The following ZNF33A variants were observed in gnomAD, a reference collection of about 807,000 sequenced individuals.
The protein encoded by ZNF33A is zinc finger protein 33A, also known as brain my041 protein.
ZNF33A carries 9 observed loss-of-function variants against 15.9 expected under a neutral mutation model. The observed-to-expected ratio is 0.57, with a 90% CI of 0.34 to 0.99. ZNF33A has a LOEUF of 0.99. ZNF33A is among the 50% of genes least tolerant of loss of function. The pLI is 0.02. For missense variants in ZNF33A, 843 were observed against 941.6 expected, an observed-to-expected ratio of 0.90 and a Z score of 1.37; for synonymous variants, 294 against 324.2, an observed-to-expected ratio of 0.91 and a Z score of 1.00.
chr10:38,046,884 A>G (rs557972265), intron 4 of ZNF33A, among the ~76,000 whole-genome samples: 38 of 152,310 alleles, frequency 2.5e-4, no homozygotes, highest in African/African-American at 7.0e-4. Flanking sequence ...GACATGAGAA[A>G]TACATGGCCA....
chr10:38,049,197 A>G (rs1304669560), intron 4 of ZNF33A, among the ~76,000 whole-genome samples: 2 of 152,170 alleles, frequency 1.3e-5, no homozygotes, highest in Non-Finnish European at 2.9e-5. Context: ...AGAAGAGTTC[A>G]AAGGGGAAAT....
At chr10:38,043,959 TG>T (rs2065831272) in intron 4 of ZNF33A, 1 of 152,044 alleles carries the variant, frequency 6.6e-6, no homozygotes, top group East Asian at 1.9e-4. Flanking sequence ...TTAGTATATG[TG>T]TTGCAAGGTG....
intron 4 of ZNF33A, 67 bp from the exon 5 acceptor site, chr10:38,054,308 T>G: frequency 1.4e-6 from 2 of 1,446,512 alleles, no homozygotes; most frequent in Non-Finnish European, 1.8e-6. Context: ...GGCATTTGTT[T>G]AGCGATTTCA....
intron 4 of ZNF33A, among the ~76,000 whole-genome samples, chr10:38,029,306 C>T (rs950478442): frequency 1.3e-5 from 2 of 152,270 alleles, no homozygotes; most frequent in East Asian, 1.9e-4. Context: ...TTTTGAAGGA[C>T]TGTTTTACCA....
At chr10:38,021,032 G>T (rs977714327) in intron 4 of ZNF33A, among the ~76,000 whole-genome samples, 10 of 152,174 alleles carry the variant, frequency 6.6e-5, no homozygotes, top group African/African-American at 2.4e-4. Context: ...TTCCTGCGGG[G>T]GGAGTGGGTA....
chr10:38,051,241 A>G (rs2066187105), intron 4 of ZNF33A, among the ~76,000 whole-genome samples: 1 of 152,196 alleles, frequency 6.6e-6, no homozygotes, highest in African/African-American at 2.4e-5. Flanking sequence ...TCTGCTTTGT[A>G]CAAAACTAAT....
chr10:38,056,311 C>A lies in ZNF33A; in HGVS notation c.2187C>A (p.Ile729=), dbSNP rs771100068. 2 of 1,614,112 alleles carry A rather than the reference C, an allele frequency of 1.2e-6. No individual in the cohort carries two copies. Among genetic ancestry groups the A allele is most frequent in the East Asian group, 2.2e-5 (1 of 44,862 alleles). ...KSCQCNECGK[I]FYRKSELAQH... ...GTCAATGTAATGAATGTGGAAAAATCTTTTACCGTAAATCGGAACTTGCTC... is the reference window on the plus strand; with the variant it reads ...GTCAATGTAATGAATGTGGAAAAATATTTTACCGTAAATCGGAACTTGCTC... The change falls in exon 5 of 5, where the codon ATC becomes ATA. Residue 729 remains isoleucine, a synonymous_variant. Transcript: ENST00000432900.
chr10:38,064,239 A>C (rs1258253680), downstream of ZNF33A: 6 of 852,320 alleles, frequency 7.0e-6, no homozygotes, highest in Non-Finnish European at 1.1e-5. Context: ...TCACATCTCC[A>C]ACACTAGCAT....
At chr10:38,010,821 C>T (rs2135514713) in intron 1 of ZNF33A, 38 bp downstream of exon 1, 1 of 1,596,204 alleles carries the variant, frequency 6.3e-7, no homozygotes, top group Non-Finnish European at 8.5e-7. Flanking sequence ...AGAGAGGGAG[C>T]CCCGCGCGAC....
At position 38,058,444 on chromosome 10, in the gene ZNF33A, A is replaced by G. The variant is rs1247915465; in HGVS notation, c.*1884A>G. ...AAGATAGACCTCAATAGGCATATGT[A>G]TCTATTAAATAAACCAAAGCAGTAA... On this transcript the variant is annotated 3_prime_UTR_variant, in exon 5 of 5. Coordinates refer to ENST00000432900, the MANE Select transcript of ZNF33A (RefSeq NM_006954.2). 1 of 152,210 alleles carries G rather than the reference A, an allele frequency of 6.6e-6. No individual in the cohort carries two copies. The highest frequency in any genetic ancestry group is 6.5e-5 in the Admixed American group (1 of 15,284). 9.4% of individuals were successfully genotyped at this position (152,210 alleles called of 1,614,324 possible).
chr10:38,064,269 C>T, downstream of ZNF33A: 2 of 668,680 alleles, frequency 3.0e-6, no homozygotes, highest in Non-Finnish European at 5.0e-6. Context: ...GAGACATCAG[C>T]ATTCTTGCAA....
rs1366436165 is a variant in ZNF33A, at chr10:38,010,801, G to C, written c.-45+18G>C. On this transcript the variant is annotated intron_variant, in intron 1 of 4. Transcript: ENST00000432900. ...GGAGTGGGGTAAGCCCCAGTGGGTT[G>C]GGCAGGGAGAGAGAGGGAGCCCCGC... is the stretch of plus-strand genomic sequence containing the variant. 8 of 1,598,024 alleles carry C rather than the reference G, an allele frequency of 5.0e-6. No homozygotes were observed. Among genetic ancestry groups the C allele is most frequent in the Admixed American group, 1.7e-5 (1 of 60,020 alleles).
rs1382796066 is a variant in ZNF33A, at chr10:38,054,819, C to T, written c.695C>T (p.Ala232Val). 4.3e-6 allele frequency: 7 copies of T among 1,613,278 alleles called. No individual in the cohort carries two copies. Among genetic ancestry groups the T allele is most frequent in the Non-Finnish European group, 5.9e-6 (7 of 1,179,950 alleles). ...SICQETLLEK[A>V]VFNTQKRENA... ...TGTCAGGAAACCCTCCTTGAAAAGG[C>T]AGTATTCAATACACAGAAGAGAGAG... Residue 232 changes from alanine to valine, a missense_variant, in exon 5 of 5, where the codon GCA becomes GTA. By Grantham distance (64) the Ala-to-Val change is moderately conservative. Coordinates refer to ENST00000432900, the MANE Select transcript of ZNF33A (RefSeq NM_006954.2).
At chr10:38,063,455 G>T (rs1481324438), downstream of ZNF33A, among the ~76,000 whole-genome samples, 1 of 152,146 alleles carries the variant, frequency 6.6e-6, no homozygotes, top group Admixed American at 6.6e-5. Context: ...GTGCATAGAG[G>T]TGCATGTAAA....
chr10:38,050,448 T>C (rs2066151429), intron 4 of ZNF33A, among the ~76,000 whole-genome samples: 1 of 152,256 alleles, frequency 6.6e-6, no homozygotes, highest in Admixed American at 6.5e-5. Context: ...TGTACTTGGC[T>C]TAATGCCCTG....
At position 38,031,790 on chromosome 10, in the gene ZNF33A, C is replaced by A. The variant is rs143009094; in HGVS notation, c.250+14404C>A. The stretch of plus-strand genomic sequence containing the variant: ...CCATCCGGGCCAACATGGTGAAACC[C>A]CATCTCTACTAAAATACAAAAAATT... On this transcript the variant is annotated intron_variant, in intron 4 of 4. Coordinates refer to ENST00000432900, the MANE Select transcript of ZNF33A (RefSeq NM_006954.2). Among the ~76,000 whole-genome samples, 7 of 151,738 alleles carry A rather than the reference C, an allele frequency of 4.6e-5. No individual in the cohort carries two copies. The East Asian group carries it at 1.4e-3, about 30-fold the overall frequency.
At chr10:38,037,930 A>T (rs1214905212) in intron 4 of ZNF33A, among the ~76,000 whole-genome samples, 2 of 152,118 alleles carry the variant, frequency 1.3e-5, no homozygotes, top group Non-Finnish European at 1.5e-5. Context: ...TTTGGTAGGG[A>T]TTGTGTTGAG....
chr10:38,027,004 T>G (rs949193032), intron 4 of ZNF33A, among the ~76,000 whole-genome samples: 2 of 152,192 alleles, frequency 1.3e-5, no homozygotes, highest in African/African-American at 4.8e-5. Context: ...TGAATAGAAT[T>G]GACACCCTTG....
Position 38,028,567 on chromosome 10 carries a change from A to G in ZNF33A, c.250+11181A>G, listed in dbSNP as rs764983677. On this transcript the variant is annotated intron_variant, in intron 4 of 4. Transcript: ENST00000432900. ...ACTGCAACCTCCTTCTCCTGGGTTC[A>G]AGTGATTCTCATGCCTCAGCCTCCC... Among the ~76,000 whole-genome samples, 125 of 151,950 alleles carry G rather than the reference A, an allele frequency of 8.2e-4. No homozygotes were observed. In the Middle Eastern group the frequency reaches 0.01, roughly 12 times the overall value.
Sources: gnomAD v4.1 joint callset for allele counts (sites outside exome capture counted in the v4.1 genomes callset) on GRCh38, gnomAD v4.1.1 for gene constraint, MANE v1.5 for transcripts, NCBI Gene and HGNC (gene_info 2026-07-23, HGNC 2026-07-21) for gene names.